KCNAB1: variants seen among roughly 807,000 people sequenced by gnomAD.
KCNAB1 encodes voltage-gated potassium channel subunit beta-1.
Under a neutral mutation model 64.6 loss-of-function variants are expected in KCNAB1, and 35 were observed. That is an observed-to-expected ratio of 0.54 (90% CI 0.41 to 0.72). The LOEUF (loss-of-function observed/expected upper bound fraction) is 0.72. Ranked by LOEUF, KCNAB1 falls within the 30% of genes least tolerant of loss-of-function variation. KCNAB1 has a pLI of 0.00. For synonymous variants in KCNAB1, 177 were observed against 183.8 expected (o/e 0.96, Z 0.30); for missense variants, 401 against 512.9 (o/e 0.78, Z 2.11).
intron 1 of KCNAB1, among the ~76,000 whole-genome samples, chr3:156,338,303 CTTTTTTTTT>C (rs34671816): frequency 3.0e-4 from 12 of 39,500 alleles, no homozygotes; most frequent in East Asian, 2.6e-3. Context: ...GGCATTTGCA[CTTTTTTTTT>C]TTTTTTTTTT....
chr3:156,339,553 T>G (rs1300260457), intron 1 of KCNAB1, among the ~76,000 whole-genome samples: 1 of 152,180 alleles, frequency 6.6e-6, no homozygotes, highest in Admixed American at 6.5e-5. Flanking sequence ...TCCAGTGCCT[T>G]TATTATTATG....
chr3:156,365,013 TCATCTC>T (rs1725859227), intron 1 of KCNAB1, among the ~76,000 whole-genome samples: 1 of 152,164 alleles, frequency 6.6e-6, no homozygotes, highest in South Asian at 2.1e-4. Context: ...ATGTGGATTG[TCATCTC>T]CAGAAACGAA....
intron 1 of KCNAB1, among the ~76,000 whole-genome samples, chr3:156,264,882 T>C (rs905806098): frequency 9.2e-5 from 14 of 152,240 alleles, no homozygotes; most frequent in Non-Finnish European, 1.9e-4. Context: ...CATTTCAGTG[T>C]CTGATTCACT....
At chr3:156,349,481 C>G (rs1306831414) in intron 1 of KCNAB1, among the ~76,000 whole-genome samples, 1 of 152,220 alleles carries the variant, frequency 6.6e-6, no homozygotes, top group African/African-American at 2.4e-5. Flanking sequence ...CACCTTCTAT[C>G]TTACCACTTC....
chr3:156,242,542 CT>C lies in KCNAB1; in HGVS notation c.275+121665del, dbSNP rs572043091. Among the ~76,000 whole-genome samples the C allele has an allele frequency of 8.0e-3, 1,213 of 151,556 alleles. 13 individuals carry two copies. The highest frequency in any genetic ancestry group is 0.028 in the African/African-American group (1,159 of 41,354). Reference sequence around the variant, plus strand: ...GCTTTGTATCTCTCTCTTTTATACACTTTTTTTTTCTGAAAAATTTCTTCCA... The same window carrying C: ...GCTTTGTATCTCTCTCTTTTATACACTTTTTTTTCTGAAAAATTTCTTCCA... On this transcript the variant is annotated intron_variant, in intron 1 of 13. Coordinates refer to ENST00000490337, the MANE Select transcript of KCNAB1 (RefSeq NM_172160.3).
chr3:156,194,798 T>C (rs1351307277), intron 1 of KCNAB1, among the ~76,000 whole-genome samples: 2 of 152,212 alleles, frequency 1.3e-5, no homozygotes, highest in Non-Finnish European at 2.9e-5. Flanking sequence ...CTTTAAGTTC[T>C]GGGATACGTG....
chr3:156,188,873 T>C (rs1666133212), intron 1 of KCNAB1, among the ~76,000 whole-genome samples: 1 of 152,198 alleles, frequency 6.6e-6, no homozygotes, highest in South Asian at 2.1e-4. Context: ...GGGAGGATAT[T>C]AGACAGATAG....
intron 1 of KCNAB1, among the ~76,000 whole-genome samples, chr3:156,361,690 A>G (rs933043233): frequency 5.3e-5 from 8 of 152,014 alleles, no homozygotes; most frequent in Non-Finnish European, 1.2e-4. Flanking sequence ...CCTAGGCTGG[A>G]GTGCAGCCTA....
At chr3:156,141,592 A>C (rs1045861205) in intron 1 of KCNAB1, among the ~76,000 whole-genome samples, 2 of 151,826 alleles carry the variant, frequency 1.3e-5, no homozygotes, top group African/African-American at 4.8e-5. Context: ...GGTTGTTTTG[A>C]CCAATAGTTC....
At chr3:156,243,607 A>G (rs978485852) in intron 1 of KCNAB1, among the ~76,000 whole-genome samples, 1 of 152,194 alleles carries the variant, frequency 6.6e-6, no homozygotes, top group Non-Finnish European at 1.5e-5. Flanking sequence ...TTGACATTGA[A>G]CTTTGTTGAC....
intron 1 of KCNAB1, among the ~76,000 whole-genome samples, chr3:156,284,623 C>T (rs964296716): frequency 5.9e-5 from 9 of 152,170 alleles, no homozygotes; most frequent in African/African-American, 2.2e-4. Flanking sequence ...AGCGAGACTC[C>T]GTGGGCATAG....
chr3:156,390,864 T>C (rs923419949), intron 1 of KCNAB1, among the ~76,000 whole-genome samples: 1 of 152,094 alleles, frequency 6.6e-6, no homozygotes, highest in African/African-American at 2.4e-5. Context: ...GGATTACAAG[T>C]GTGAGCCACA....
At chr3:156,320,426 C>T (rs377330112) in intron 1 of KCNAB1, among the ~76,000 whole-genome samples, 56 of 152,290 alleles carry the variant, frequency 3.7e-4, no homozygotes, top group African/African-American at 9.1e-4. Context: ...AGAAGTTCTT[C>T]GCCCAAATAT....
chr3:156,477,473 C>G (rs1714455338), intron 8 of KCNAB1, among the ~76,000 whole-genome samples: 1 of 152,132 alleles, frequency 6.6e-6, no homozygotes, highest in African/African-American at 2.4e-5. Context: ...CCTGCTCCCC[C>G]TCACTAGGAA....
At chr3:156,196,825 C>T (rs1181998628) in intron 1 of KCNAB1, among the ~76,000 whole-genome samples, 1 of 152,198 alleles carries the variant, frequency 6.6e-6, no homozygotes, top group Non-Finnish European at 1.5e-5. Flanking sequence ...CTGGCCAGAA[C>T]TTCCAACACT....
chr3:156,189,902 A>G (rs979618795), intron 1 of KCNAB1, among the ~76,000 whole-genome samples: 1 of 152,186 alleles, frequency 6.6e-6, no homozygotes. Flanking sequence ...CGCCAATCAA[A>G]TATCTTCCAG....
chr3:156,413,532 C>G (rs1316037552), intron 1 of KCNAB1, among the ~76,000 whole-genome samples: 1 of 152,160 alleles, frequency 6.6e-6, no homozygotes, highest in African/African-American at 2.4e-5. Context: ...ATTATTATCC[C>G]CATGTAACAG....
At chr3:156,426,625 C>A (rs1715839683) in intron 2 of KCNAB1, among the ~76,000 whole-genome samples, 1 of 152,172 alleles carries the variant, frequency 6.6e-6, no homozygotes, top group Non-Finnish European at 1.5e-5. Flanking sequence ...CTCTGTCTTG[C>A]CTATTCATCC....
intron 1 of KCNAB1, among the ~76,000 whole-genome samples, chr3:156,203,365 G>A (rs1313367321): frequency 2.0e-5 from 3 of 152,138 alleles, no homozygotes; most frequent in Non-Finnish European, 2.9e-5. Flanking sequence ...TGATCTAGAG[G>A]AGCTCACTCC....
Sources: allele counts gnomAD v4.1 joint callset (sites outside exome capture counted in the v4.1 genomes callset), GRCh38; gene constraint gnomAD v4.1.1; transcripts MANE v1.5; gene names NCBI Gene and HGNC (gene_info 2026-07-23, HGNC 2026-07-21).